Variants in NELL2 observed in about 807,000 individuals in gnomAD.
NELL2 encodes the protein neural EGFL like 2, also known as protein kinase C-binding protein NELL2.
Under a neutral mutation model 109.6 loss-of-function variants are expected in NELL2, and 41 were observed. The observed-to-expected ratio is 0.37, with a 90% CI of 0.29 to 0.49. The LOEUF (loss-of-function observed/expected upper bound fraction) is 0.49, where lower values mean the gene tolerates loss of function less well. Ranked by LOEUF, NELL2 falls within the 20% of genes least tolerant of loss-of-function variation. The probability of loss-of-function intolerance (pLI) is 0.98; values close to 1 mark genes in which losing one functional copy is unlikely to be tolerated. For synonymous variants in NELL2, 355 were observed against 344.7 expected, an observed-to-expected ratio of 1.03 and a Z score of -0.33; for missense variants, 900 against 1,008.3, an observed-to-expected ratio of 0.89 and a Z score of 1.45.
At chr12:44,833,840 T>A (rs1943963232) in intron 2 of NELL2, among the ~76,000 whole-genome samples, 2 of 152,206 alleles carry the variant, frequency 1.3e-5, no homozygotes, top group South Asian at 2.1e-4. Flanking sequence ...ACCAGGTCGG[T>A]CCAACTATCT....
chr12:44,834,654 G>T (rs1415651723), intron 2 of NELL2, among the ~76,000 whole-genome samples: 1 of 152,100 alleles, frequency 6.6e-6, no homozygotes, highest in African/African-American at 2.4e-5. Context: ...GCCCCTGCCT[G>T]CCCTACTCGA....
At chr12:44,873,536 T>C (rs1945224593) in intron 2 of NELL2, among the ~76,000 whole-genome samples, 1 of 152,130 alleles carries the variant, frequency 6.6e-6, no homozygotes, top group Non-Finnish European at 1.5e-5. Context: ...GATCAGACAC[T>C]CTTCAGAGGA....
At chr12:44,820,135 A>G (rs975018262) in intron 2 of NELL2, among the ~76,000 whole-genome samples, 11 of 152,232 alleles carry the variant, frequency 7.2e-5, no homozygotes, top group East Asian at 1.9e-4. Context: ...CTCTGTCCAC[A>G]GAACACCGTT....
chr12:44,799,377 A>G (rs1273078629), intron 3 of NELL2, among the ~76,000 whole-genome samples: 1 of 152,152 alleles, frequency 6.6e-6, no homozygotes, highest in African/African-American at 2.4e-5. Context: ...TCCAATCTTG[A>G]TGGCAGCTGC....
intron 12 of NELL2, among the ~76,000 whole-genome samples, chr12:44,689,781 C>A (rs1948844133): frequency 1.3e-5 from 2 of 152,154 alleles, no homozygotes; most frequent in Admixed American, 1.3e-4. Flanking sequence ...GTACTACTGG[C>A]ATCTAGTGGG....
chr12:44,658,690 C>T (rs1247559083), intron 13 of NELL2, among the ~76,000 whole-genome samples: 1 of 151,830 alleles, frequency 6.6e-6, no homozygotes, highest in African/African-American at 2.4e-5. Context: ...TCCTGCCTAA[C>T]ATGGTGAAAC....
intron 15 of NELL2, among the ~76,000 whole-genome samples, chr12:44,550,677 T>C (rs946523487): frequency 1.3e-5 from 2 of 152,116 alleles, no homozygotes; most frequent in East Asian, 1.9e-4. Flanking sequence ...TGAAATACTA[T>C]ACAGCATTAA....
intron 1 of NELL2, among the ~76,000 whole-genome samples, chr12:44,883,857 T>C (rs1197421944): frequency 6.6e-6 from 1 of 151,678 alleles, no homozygotes; most frequent in Admixed American, 6.6e-5. Flanking sequence ...ACAGGTAAAA[T>C]GGAATTCTAA....
At chr12:44,782,370 TA>T (rs1293939371) in intron 3 of NELL2, among the ~76,000 whole-genome samples, 1 of 151,278 alleles carries the variant, frequency 6.6e-6, no homozygotes, top group African/African-American at 2.4e-5. Context: ...AAACATAAAA[TA>T]AAAAATAAAG....
At chr12:44,824,742 ACT>A (rs1943654194) in intron 2 of NELL2, among the ~76,000 whole-genome samples, 1 of 138,174 alleles carries the variant, frequency 7.2e-6, no homozygotes, top group Non-Finnish European at 1.5e-5. Flanking sequence ...ACAGAGTCTC[ACT>A]CTGTCGCCCA....
At chr12:44,543,029 A>G (rs1296916824) in intron 15 of NELL2, among the ~76,000 whole-genome samples, 1 of 152,134 alleles carries the variant, frequency 6.6e-6, no homozygotes, top group Non-Finnish European at 1.5e-5. Flanking sequence ...TAAGCTACCC[A>G]GTTTGTGGTT....
At chr12:44,785,756 C>A (rs1028181743) in intron 3 of NELL2, among the ~76,000 whole-genome samples, 1 of 152,034 alleles carries the variant, frequency 6.6e-6, no homozygotes, top group African/African-American at 2.4e-5. Flanking sequence ...TTTGACAAAC[C>A]TGACAAAAAC....
At chr12:44,549,282 T>A (rs953689448) in intron 15 of NELL2, among the ~76,000 whole-genome samples, 9 of 152,024 alleles carry the variant, frequency 5.9e-5, no homozygotes, top group African/African-American at 2.2e-4. Flanking sequence ...TTTCAGAAAG[T>A]GGAATATGAG....
intron 1 of NELL2, among the ~76,000 whole-genome samples, chr12:44,905,252 T>C (rs1359505300): frequency 6.6e-6 from 1 of 152,006 alleles, no homozygotes; most frequent in Non-Finnish European, 1.5e-5. Flanking sequence ...ATTTCCTGTA[T>C]TTTCTTTATT....
intron 12 of NELL2, among the ~76,000 whole-genome samples, chr12:44,668,776 C>T (rs549251827): frequency 5.3e-5 from 8 of 152,238 alleles, no homozygotes; most frequent in African/African-American, 1.4e-4. Flanking sequence ...CTGCCACCAC[C>T]GTTAGTACCT....
intron 15 of NELL2, among the ~76,000 whole-genome samples, chr12:44,595,437 T>C (rs1944916729): frequency 6.6e-6 from 1 of 152,142 alleles, no homozygotes; most frequent in East Asian, 1.9e-4. Flanking sequence ...TTTTTGTTTG[T>C]TTGTTTTGAG....
intron 13 of NELL2, among the ~76,000 whole-genome samples, chr12:44,658,321 C>G (rs1250493063): frequency 6.6e-6 from 1 of 152,140 alleles, no homozygotes; most frequent in Non-Finnish European, 1.5e-5. Context: ...ACAGCCAAAT[C>G]ATGAGTGAAC....
At chr12:44,835,306 T>A (rs896434190) in intron 2 of NELL2, among the ~76,000 whole-genome samples, 4 of 152,162 alleles carry the variant, frequency 2.6e-5, no homozygotes, top group African/African-American at 7.2e-5. Context: ...AAAAGAATTA[T>A]TCAGTGGCTT....
chr12:44,782,620 T>C (rs1232759333), intron 3 of NELL2, among the ~76,000 whole-genome samples: 5 of 151,682 alleles, frequency 3.3e-5, no homozygotes, highest in African/African-American at 1.2e-4. Flanking sequence ...AAAAATATAT[T>C]TCAGAGCCAA....
Sources: allele counts gnomAD v4.1 joint callset (sites outside exome capture counted in the v4.1 genomes callset), GRCh38; gene constraint gnomAD v4.1.1; transcripts MANE v1.5; gene names NCBI Gene and HGNC (gene_info 2026-07-23, HGNC 2026-07-21).